CNTNAP2: variants seen among roughly 807,000 people sequenced by gnomAD.
CNTNAP2 encodes the protein contactin associated protein 2.
CNTNAP2 carries 98 observed loss-of-function variants against 155.2 expected under a neutral mutation model. The observed-to-expected ratio is 0.63, with a 90% CI of 0.54 to 0.75. The LOEUF (loss-of-function observed/expected upper bound fraction) is 0.75. Ranked by LOEUF, CNTNAP2 falls within the 30% of genes least tolerant of loss-of-function variation. The probability of loss-of-function intolerance (pLI) is 0.00; values close to 1 mark genes in which losing one functional copy is unlikely to be tolerated. For missense variants in CNTNAP2, 1,727 were observed against 1,688.1 expected (o/e 1.02, Z -0.40); for synonymous variants, 651 against 631.2 (o/e 1.03, Z -0.47).
At chr7:147,054,343 C>T (rs1036391644) in intron 4 of CNTNAP2, among the ~76,000 whole-genome samples, 6 of 152,152 alleles carry the variant, frequency 3.9e-5, no homozygotes, top group African/African-American at 1.2e-4. Flanking sequence ...TGCAAATAAA[C>T]ATAACTCAAG....
At chr7:147,925,155 G>A (rs1800364906) in intron 14 of CNTNAP2, among the ~76,000 whole-genome samples, 1 of 20,246 alleles carries the variant, frequency 4.9e-5, no homozygotes, top group Admixed American at 6.5e-4. Context: ...GAGAGAGAGA[G>A]AAGGAAGGAA....
At chr7:148,302,323 C>T (rs1797405089) in intron 21 of CNTNAP2, among the ~76,000 whole-genome samples, 1 of 152,188 alleles carries the variant, frequency 6.6e-6, no homozygotes, top group Admixed American at 6.5e-5. Flanking sequence ...CCCAGAAGGG[C>T]TGAACTTGGT....
Position 147,618,974 on chromosome 7 carries a change from G to GGCC in CNTNAP2, c.1898-20131_1898-20129dup, listed in dbSNP as rs1801344544. Among the ~76,000 whole-genome samples the GGCC allele has an allele frequency of 2.0e-5, 3 of 152,124 alleles. No individual in the cohort carries two copies. The South Asian group carries it at 6.2e-4, about 32-fold the overall frequency. The stretch of plus-strand genomic sequence containing the variant: ...CATGACTACACTGGTTAATCTTGAG[G>GGCC]GCCCGTTATTGCCAGAGACAGGAAC... On this transcript the variant is annotated intron_variant, in intron 12 of 23. Transcript: ENST00000361727.
chr7:146,737,753 G>T (rs1563210691), intron 1 of CNTNAP2, among the ~76,000 whole-genome samples: 2 of 151,838 alleles, frequency 1.3e-5, no homozygotes, highest in South Asian at 4.1e-4. Context: ...GTCTTTCTGT[G>T]CCTGATTTAT....
rs183845598 is a variant in CNTNAP2, at chr7:146,349,941, T to A, written c.97+232968T>A. Reference sequence around the variant, plus strand: ...TCAACTTTGGTGAATCTGACAATTATGTGTCTTGGAGTTGCTCTTCTCGAG... The same window carrying A: ...TCAACTTTGGTGAATCTGACAATTAAGTGTCTTGGAGTTGCTCTTCTCGAG... On this transcript the variant is annotated intron_variant, in intron 1 of 23. Coordinates refer to ENST00000361727, the MANE Select transcript of CNTNAP2 (RefSeq NM_014141.6). Among the ~76,000 whole-genome samples the A allele has an allele frequency of 9.6e-3, 1,464 of 152,202 alleles. 10 individuals carry two copies. The highest frequency in any genetic ancestry group is 0.014 in the Non-Finnish European group (979 of 67,992).
At chr7:147,389,157 G>A (rs994049498) in intron 9 of CNTNAP2, among the ~76,000 whole-genome samples, 10 of 152,120 alleles carry the variant, frequency 6.6e-5, no homozygotes, top group Non-Finnish European at 1.0e-4. Context: ...CAGGAAGGTT[G>A]AGTAAACAGT....
intron 13 of CNTNAP2, among the ~76,000 whole-genome samples, chr7:147,850,626 C>T (rs2116667343): frequency 6.6e-6 from 1 of 152,304 alleles, no homozygotes; most frequent in Non-Finnish European, 1.5e-5. Flanking sequence ...CACACATCTA[C>T]AACCATCTGA....
At chr7:147,841,065 T>G in intron 13 of CNTNAP2, among the ~76,000 whole-genome samples, 1 of 152,280 alleles carries the variant, frequency 6.6e-6, no homozygotes, top group South Asian at 2.1e-4. Flanking sequence ...AATATTAGTT[T>G]TTAATCAATG....
At chr7:147,090,101 G>A (rs1202625589) in intron 4 of CNTNAP2, among the ~76,000 whole-genome samples, 1 of 152,166 alleles carries the variant, frequency 6.6e-6, no homozygotes, top group Non-Finnish European at 1.5e-5. Context: ...GGGTCCCATA[G>A]TCACCAAGCA....
rs866177446 is a variant in CNTNAP2 at position 146,721,220 on chromosome 7, A to C, written c.98-53051A>C. 3.1e-4 allele frequency among the ~76,000 whole-genome samples: 40 copies of C among 127,260 alleles called. 1 individual carries two copies. The highest frequency in any genetic ancestry group is 2.0e-3 in the South Asian group (8 of 4,056). The allele number at this position is 127,260 out of a possible 152,430, so 83.5% of individuals were successfully genotyped here. The stretch of plus-strand genomic sequence containing the variant: ...TATATATTCTCTGTATATATTCTCT[A>C]TATATATTCTCTATATACTCTCTCT... On this transcript the variant is annotated intron_variant, in intron 1 of 23. Coordinates refer to ENST00000361727, the MANE Select transcript of CNTNAP2 (RefSeq NM_014141.6).
At chr7:147,499,346 T>C (rs1798768180) in intron 11 of CNTNAP2, among the ~76,000 whole-genome samples, 1 of 151,930 alleles carries the variant, frequency 6.6e-6, no homozygotes, top group Non-Finnish European at 1.5e-5. Flanking sequence ...GTCTAACACA[T>C]GGTGAAACCC....
chr7:146,768,433 A>T (rs1416905367), intron 1 of CNTNAP2, among the ~76,000 whole-genome samples: 1 of 151,768 alleles, frequency 6.6e-6, no homozygotes, highest in Non-Finnish European at 1.5e-5. Context: ...ATTTCTGACC[A>T]TCATTAGTTA....
intron 8 of CNTNAP2, among the ~76,000 whole-genome samples, chr7:147,236,041 C>T (rs1803796578): frequency 6.6e-6 from 1 of 152,148 alleles, no homozygotes; most frequent in African/African-American, 2.4e-5. Context: ...ATCCTGGCTC[C>T]CATTGTCTTT....
intron 13 of CNTNAP2, among the ~76,000 whole-genome samples, chr7:147,733,784 G>A (rs371873168): frequency 6.6e-6 from 1 of 152,148 alleles, no homozygotes; most frequent in African/African-American, 2.4e-5. Context: ...TGAAGCAATT[G>A]TGAATGGGAA....
chr7:146,262,653 C>A (rs1409581265), intron 1 of CNTNAP2, among the ~76,000 whole-genome samples: 2 of 152,202 alleles, frequency 1.3e-5, no homozygotes, highest in Non-Finnish European at 2.9e-5. Context: ...TTGATGGCAG[C>A]TACTACTGAA....
chr7:146,160,677 CA>C (rs1361810174), intron 1 of CNTNAP2, among the ~76,000 whole-genome samples: 1 of 152,052 alleles, frequency 6.6e-6, no homozygotes, highest in Non-Finnish European at 1.5e-5. Flanking sequence ...CTGAATAGAC[CA>C]ATAACAGGTT....
chr7:147,534,029 C>T (rs1336717973), intron 11 of CNTNAP2, among the ~76,000 whole-genome samples: 1 of 152,194 alleles, frequency 6.6e-6, no homozygotes, highest in Non-Finnish European at 1.5e-5. Context: ...TTGCCTTTAA[C>T]TTTCTGGCTT....
chr7:147,919,459 C>CTTTCTTTCTTTTTTTTTTTTTTTT (rs58537091), intron 14 of CNTNAP2, among the ~76,000 whole-genome samples: 7 of 51,226 alleles, frequency 1.4e-4, no homozygotes, highest in African/African-American at 5.4e-4. Context: ...CTTTTTCTTT[C>CTTTCTTTCTTTTTTTTTTTTTTTT]TTTTTTTTTT....
At chr7:146,145,364 A>G (rs891379395) in intron 1 of CNTNAP2, among the ~76,000 whole-genome samples, 3 of 152,194 alleles carry the variant, frequency 2.0e-5, no homozygotes, top group Non-Finnish European at 4.4e-5. Context: ...AGACGAGAAC[A>G]TACTACATTT....
Sources: gnomAD v4.1 joint callset for allele counts (sites outside exome capture counted in the v4.1 genomes callset) on GRCh38, gnomAD v4.1.1 for gene constraint, MANE v1.5 for transcripts, NCBI Gene and HGNC (gene_info 2026-07-23, HGNC 2026-07-21) for gene names.